The following MAD2L1BP variants were observed in gnomAD, a reference collection of about 807,000 sequenced individuals.
The protein encoded by MAD2L1BP is MAD2L1 binding protein.
A neutral mutation model predicts 28.4 loss-of-function variants in MAD2L1BP; 22 were observed. The observed-to-expected ratio is 0.77, with a 90% confidence interval of 0.55 to 1.10. MAD2L1BP has a LOEUF of 1.10. MAD2L1BP is among the 50% of genes least tolerant of loss of function. The probability of loss-of-function intolerance (pLI) is 0.00; values close to 1 mark genes in which losing one functional copy is unlikely to be tolerated. For missense variants in MAD2L1BP, 325 were observed against 350.5 expected (o/e 0.93, Z 0.58); for synonymous variants, 146 against 133.7 (o/e 1.09, Z -0.63).
chr6:43,639,101 TTG>T, intron 2 of MAD2L1BP, among the ~76,000 whole-genome samples: 1 of 152,268 alleles, frequency 6.6e-6, no homozygotes, highest in Non-Finnish European at 1.5e-5. Context: ...CTGTCAGCAC[TTG>T]GTATTCAGCT....
upstream of MAD2L1BP, among the ~76,000 whole-genome samples, chr6:43,634,220 CTTTTTTTTTTTT>C (rs751773637): frequency 9.6e-6 from 1 of 103,668 alleles, no homozygotes; most frequent in Non-Finnish European, 1.9e-5. Flanking sequence ...TTCTTTTTTT[CTTTTTTTTTTTT>C]TTTTTGAGTC....
intron 2 of MAD2L1BP, among the ~76,000 whole-genome samples, chr6:43,639,099 A>ACC: frequency 6.6e-6 from 1 of 150,440 alleles, no homozygotes; most frequent in Non-Finnish European, 1.5e-5. Flanking sequence ...TTCTGTCAGC[A>ACC]CTTGGTATTC....
In MAD2L1BP at chr6:43,635,911, C is replaced by T. The variant is rs1478630962; in HGVS notation, c.36C>T (p.Ala12=). 1.3e-6 allele frequency: 2 copies of T among 1,501,538 alleles called. No homozygotes were observed. The highest frequency in any genetic ancestry group is 1.3e-5 in the South Asian group (1 of 77,362). The allele number at this position is 1,501,538 out of a possible 1,614,324, so 93.0% of individuals were successfully genotyped here. A position where few individuals can be genotyped will look rare whatever the true frequency, so the allele number is the denominator to read the frequency against. Residue 12 remains alanine, a synonymous_variant, in exon 1 of 3, where the codon GCC becomes GCT. Transcript: ENST00000372171. ...CGGAGGCGGAGGTTCTGTCCTCAGC[C>T]GCAGTCCCTGGTAAGGCGTGGGGCC... ...AAPEAEVLSS[A]AVPDLEWYEK... is the part of the protein sequence containing the mutation.
chr6:43,634,220 C>CTTTTTTTTTTTTTTTTTTTTTTT (rs751773637), upstream of MAD2L1BP, among the ~76,000 whole-genome samples: 19 of 103,666 alleles, frequency 1.8e-4, no homozygotes, highest in African/African-American at 4.9e-4. Context: ...TTCTTTTTTT[C>CTTTTTTTTTTTTTTTTTTTTTTT]TTTTTTTTTT....
chr6:43,630,922 A>AG (rs1315577863), upstream of MAD2L1BP, among the ~76,000 whole-genome samples: 4 of 151,462 alleles, frequency 2.6e-5, no homozygotes, highest in Admixed American at 1.3e-4. Context: ...AAAAAAAAAA[A>AG]AAAAAAAAAG....
intron 2 of MAD2L1BP, 47 bp downstream of exon 2, chr6:43,636,693 C>T (rs745811463): frequency 4.3e-5 from 69 of 1,589,956 alleles, no homozygotes; most frequent in Non-Finnish European, 5.8e-5. Flanking sequence ...CTTTGTGGCT[C>T]TTAGATGGGA....
intron 2 of MAD2L1BP, among the ~76,000 whole-genome samples, chr6:43,637,164 A>C (rs528295597): frequency 6.6e-6 from 1 of 152,270 alleles, no homozygotes; most frequent in African/African-American, 2.4e-5. Context: ...TCCCAGGTTC[A>C]AGCGATTCTC....
At chr6:43,634,716 A>G (rs377105876), upstream of MAD2L1BP, among the ~76,000 whole-genome samples, 3 of 152,210 alleles carry the variant, frequency 2.0e-5, 1 homozygote, top group East Asian at 5.8e-4. Flanking sequence ...GCATGCCACC[A>G]TGTCTGGCTA....
upstream of MAD2L1BP, chr6:43,633,172 CTTTTTT>C: frequency 4.1e-5 from 16 of 393,356 alleles, no homozygotes; most frequent in East Asian, 1.7e-4. Flanking sequence ...AATCATTGTA[CTTTTTT>C]TTTTTTTTTT....
At position 43,640,645 on chromosome 6, in the gene MAD2L1BP, A is replaced by G; in HGVS notation, c.*112A>G. 2.5e-6 allele frequency: 3 copies of G among 1,218,988 alleles called. No homozygotes were observed. The highest frequency in any genetic ancestry group is 3.4e-6 in the Non-Finnish European group (3 of 893,910). 75.5% of individuals were successfully genotyped at this position (1,218,988 alleles called of 1,614,324 possible). Reference sequence around the variant, plus strand: ...GTTGCTTCCTGGTGAGAGAGGAAGCAACTCTCCTTCTGGTTGTCTGCCTCC... The same window carrying G: ...GTTGCTTCCTGGTGAGAGAGGAAGCGACTCTCCTTCTGGTTGTCTGCCTCC... On this transcript the variant is annotated 3_prime_UTR_variant, in exon 3 of 3. Transcript: ENST00000372171.
rs1004192661 is a variant in MAD2L1BP at position 43,640,457 on chromosome 6, C to A, written c.749C>A (p.Pro250His). The A allele has an allele frequency of 1.9e-6, 3 of 1,613,572 alleles. No homozygotes were observed. The highest frequency in any genetic ancestry group is 1.3e-5 in the African/African-American group (1 of 75,052). Residue 250 changes from proline (P) to histidine (H), a missense_variant, in exon 3 of 3, where the codon CCT (proline) becomes CAT (histidine). Coordinates refer to ENST00000372171, the MANE Select transcript of MAD2L1BP (RefSeq NM_014628.3). ...KLTVTLSCGR[P>H]SIRTTAWEDY... ...ACTGTGACCCTGTCATGTGGCAGACCTTCCATCCGAACCACGGCTTGGGAA... is the reference window on the plus strand; with the variant it reads ...ACTGTGACCCTGTCATGTGGCAGACATTCCATCCGAACCACGGCTTGGGAA...
chr6:43,629,732 G>A (rs1769776485), exon 1 of MAD2L1BP: 2 of 1,552,064 alleles, frequency 1.3e-6, no homozygotes, highest in African/African-American at 2.7e-5. Flanking sequence ...CTCCGCCTCT[G>A]CCTCAGTTTC....
intron 2 of MAD2L1BP, among the ~76,000 whole-genome samples, chr6:43,639,520 A>C (rs1770451740): frequency 6.6e-6 from 1 of 152,096 alleles, no homozygotes; most frequent in South Asian, 2.1e-4. Flanking sequence ...TCCTCTTGGG[A>C]GTTTTCTTTG....
At position 43,640,096 on chromosome 6, in the gene MAD2L1BP, G is replaced by A. The variant is rs768562987; in HGVS notation, c.388G>A (p.Glu130Lys). 1 of 1,602,044 alleles carries A rather than the reference G, an allele frequency of 6.2e-7. No homozygotes were observed. Among genetic ancestry groups the A allele is most frequent in the Non-Finnish European group, 8.5e-7 (1 of 1,171,774 alleles). Reference sequence around the variant, plus strand: ...CAGGAAATGCCAACAAGCCCTGGCAGAACTGGAGAGTGTCCTCAGCCACCT... The same window carrying A: ...CAGGAAATGCCAACAAGCCCTGGCAAAACTGGAGAGTGTCCTCAGCCACCT... ...SSRKCQQALA[E>K]LESVLSHLED... Residue 130 changes from glutamate to lysine, a missense_variant, in exon 3 of 3, where the codon GAA becomes AAA. By Grantham distance (56) the Glu-to-Lys change is moderately conservative. Coordinates refer to ENST00000372171, the MANE Select transcript of MAD2L1BP (RefSeq NM_014628.3).
At chr6:43,635,296 A>C (rs1770136852), upstream of MAD2L1BP, among the ~76,000 whole-genome samples, 1 of 152,074 alleles carries the variant, frequency 6.6e-6, no homozygotes, top group African/African-American at 2.4e-5. Flanking sequence ...CTCTTGTCTC[A>C]AGGTCTCCAG....
intron 1 of MAD2L1BP, among the ~76,000 whole-genome samples, chr6:43,630,312 A>G (rs957904283): frequency 1.3e-5 from 2 of 152,232 alleles, no homozygotes; most frequent in African/African-American, 4.8e-5. Flanking sequence ...AAAAGCAGTT[A>G]TGTTGCTGAG....
At chr6:43,635,673 G>C (rs1286258979), upstream of MAD2L1BP, 1 of 532,496 alleles carries the variant, frequency 1.9e-6, no homozygotes, top group Non-Finnish European at 3.2e-6. Flanking sequence ...TTCCCTGCTG[G>C]GCAAGGGTTA....
intron 2 of MAD2L1BP, chr6:43,636,903 A>G: frequency 4.3e-6 from 2 of 470,090 alleles, no homozygotes; most frequent in Non-Finnish European, 7.7e-6. Context: ...TTTGAGACAG[A>G]GTCTTGCTCT....
chr6:43,637,880 T>C (rs1396408067), intron 2 of MAD2L1BP, among the ~76,000 whole-genome samples: 1 of 151,108 alleles, frequency 6.6e-6, no homozygotes, highest in African/African-American at 2.4e-5. Flanking sequence ...ATTACAGGCA[T>C]GAGCCACCGT....
Sources: allele counts gnomAD v4.1 joint callset (sites outside exome capture counted in the v4.1 genomes callset), GRCh38; gene constraint gnomAD v4.1.1; transcripts MANE v1.5; gene names NCBI Gene and HGNC (gene_info 2026-07-23, HGNC 2026-07-21).